MDGA2: variants seen among roughly 807,000 people sequenced by gnomAD.
The protein encoded by MDGA2 is MAM domain-containing glycosylphosphatidylinositol anchor protein 2.
A neutral mutation model predicts 117.8 loss-of-function variants in MDGA2; 40 were observed. That is an observed-to-expected ratio of 0.34 (90% CI 0.26 to 0.44). The LOEUF is 0.44. Among genes scored for constraint, MDGA2 ranks in the 20% least tolerant of loss-of-function variants. MDGA2 has a pLI of 1.00. For missense variants in MDGA2, 1,123 were observed against 1,250.6 expected, an observed-to-expected ratio of 0.90 and a Z score of 1.54; for synonymous variants, 452 against 439.0, an observed-to-expected ratio of 1.03 and a Z score of -0.37.
intron 1 of MDGA2, among the ~76,000 whole-genome samples, chr14:47,596,418 G>C (rs1369701560): frequency 6.6e-6 from 1 of 152,104 alleles, no homozygotes; most frequent in Non-Finnish European, 1.5e-5. Context: ...GTCCATTTTA[G>C]AGGCTTATTT....
At chr14:47,664,676 C>T (rs929461796) in intron 1 of MDGA2, among the ~76,000 whole-genome samples, 11 of 152,226 alleles carry the variant, frequency 7.2e-5, no homozygotes, top group African/African-American at 2.7e-4. Context: ...ATAATGAAAG[C>T]ACATACCTCT....
At chr14:47,421,498 C>CAG (rs33925912) in intron 1 of MDGA2, among the ~76,000 whole-genome samples, 96,238 of 151,734 alleles carry the variant, frequency 0.63, 30,617 homozygotes, top group South Asian at 0.73. Flanking sequence ...AAAAGCAAAA[C>CAG]AAACAAAAAC....
chr14:46,948,965 G>A (rs1308267941), intron 9 of MDGA2, among the ~76,000 whole-genome samples: 1 of 151,986 alleles, frequency 6.6e-6, no homozygotes, highest in Non-Finnish European at 1.5e-5. Context: ...TCAATGTTGT[G>A]TTACTCAGGC....
At chr14:47,038,543 A>G (rs1888941434) in intron 7 of MDGA2, among the ~76,000 whole-genome samples, 1 of 152,166 alleles carries the variant, frequency 6.6e-6, no homozygotes, top group Non-Finnish European at 1.5e-5. Context: ...ACAGAAATAT[A>G]AACCTCAATT....
chr14:47,110,102 T>G (rs2139050714), intron 5 of MDGA2, among the ~76,000 whole-genome samples: 1 of 152,198 alleles, frequency 6.6e-6, no homozygotes, highest in Admixed American at 6.5e-5. Flanking sequence ...AACTTACCTA[T>G]GTTTTATATT....
intron 1 of MDGA2, among the ~76,000 whole-genome samples, chr14:47,458,858 G>C (rs1200634715): frequency 6.6e-6 from 1 of 151,412 alleles, no homozygotes; most frequent in Non-Finnish European, 1.5e-5. Flanking sequence ...CTCTGGGACT[G>C]AAAGAATATA....
chr14:47,391,318 A>T (rs1432526077), intron 1 of MDGA2, among the ~76,000 whole-genome samples: 1 of 152,160 alleles, frequency 6.6e-6, no homozygotes, highest in Non-Finnish European at 1.5e-5. Flanking sequence ...TGCTCATGTG[A>T]CAGCGATTTC....
intron 2 of MDGA2, among the ~76,000 whole-genome samples, chr14:47,257,808 G>C (rs1887672233): frequency 6.6e-6 from 1 of 152,136 alleles, no homozygotes; most frequent in Non-Finnish European, 1.5e-5. Context: ...GTTCTTTCCA[G>C]AGTGTTTTGT....
intron 2 of MDGA2, among the ~76,000 whole-genome samples, chr14:47,285,126 C>T (rs17671065): frequency 0.091 from 13,834 of 151,954 alleles, 782 homozygotes; most frequent in Non-Finnish European, 0.11. Context: ...GTATGACTTA[C>T]GGATCACCCA....
At chr14:46,984,985 T>C (rs1402646551) in intron 8 of MDGA2, among the ~76,000 whole-genome samples, 2 of 152,020 alleles carry the variant, frequency 1.3e-5, no homozygotes, top group East Asian at 1.9e-4. Flanking sequence ...TATCAGTACA[T>C]TTTTTTCATA....
At chr14:47,562,446 T>C (rs1895834742) in intron 1 of MDGA2, among the ~76,000 whole-genome samples, 1 of 152,208 alleles carries the variant, frequency 6.6e-6, no homozygotes. Flanking sequence ...AGGGATTCTA[T>C]TTCTTCCTGG....
At chr14:47,086,933 A>G (rs145658999) in intron 6 of MDGA2, among the ~76,000 whole-genome samples, 14 of 152,306 alleles carry the variant, frequency 9.2e-5, no homozygotes, top group African/African-American at 2.9e-4. Flanking sequence ...ATCTTTGTGC[A>G]TAAGTGTATG....
chr14:47,204,801 GTTC>G (rs896153843), intron 3 of MDGA2, among the ~76,000 whole-genome samples: 16 of 152,006 alleles, frequency 1.1e-4, no homozygotes, highest in African/African-American at 2.2e-4. Flanking sequence ...CTAATGTTGA[GTTC>G]TTCTACTACC....
intron 1 of MDGA2, among the ~76,000 whole-genome samples, chr14:47,389,615 CACA>C (rs555962892): frequency 1.7e-5 from 2 of 117,566 alleles, no homozygotes; most frequent in East Asian, 6.0e-4. Flanking sequence ...CCCACACACA[CACA>C]CACACACACA....
intron 3 of MDGA2, among the ~76,000 whole-genome samples, chr14:47,186,363 G>C (rs899417138): frequency 4.6e-5 from 7 of 151,388 alleles, no homozygotes; most frequent in Non-Finnish European, 7.4e-5. Context: ...GCCAAAATAA[G>C]ACAAACTTGA....
chr14:47,529,438 A>C (rs1895047173), intron 1 of MDGA2, among the ~76,000 whole-genome samples: 1 of 152,204 alleles, frequency 6.6e-6, no homozygotes, highest in Non-Finnish European at 1.5e-5. Flanking sequence ...ATCACATCAG[A>C]GTAAATGAAG....
Position 47,335,747 on chromosome 14 carries a change from T to TATATATATATATATATATATATACACAC in MDGA2, c.281-34198_281-34197insGTGTGTATATATATATATATATATATAT, listed in dbSNP as rs1055245438. ...CACACATATATTTTATATATATATA[T>TATATATATATATATATATATATACACAC]ACATACATACATACAGGATCACTCT... On this transcript the variant is annotated intron_variant, in intron 1 of 16. Coordinates refer to ENST00000399232, the MANE Select transcript of MDGA2 (RefSeq NM_001113498.3). Among the ~76,000 whole-genome samples, 4 of 68,662 alleles carry TATATATATATATATATATATATACACAC rather than the reference T, an allele frequency of 5.8e-5. No individual in the cohort carries two copies. The East Asian group carries it at 1.3e-3, about 22-fold the overall frequency. 45.0% of individuals were successfully genotyped at this position (68,662 alleles called of 152,430 possible).
At chr14:47,384,025 T>TAGATAGATAATAGA (rs60630027) in intron 1 of MDGA2, among the ~76,000 whole-genome samples, 5,802 of 143,556 alleles carry the variant, frequency 0.04, 149 homozygotes, top group Admixed American at 0.061. Context: ...AATAGATAGA[T>TAGATAGATAATAGA]TAGATAAAGA....
chr14:47,498,254 C>G (rs539177061), intron 1 of MDGA2, among the ~76,000 whole-genome samples: 1 of 152,138 alleles, frequency 6.6e-6, no homozygotes, highest in Non-Finnish European at 1.5e-5. Flanking sequence ...CCTCATGTAC[C>G]TTTCTTTGCT....
Sources: gnomAD v4.1 joint callset for allele counts (sites outside exome capture counted in the v4.1 genomes callset) on GRCh38, gnomAD v4.1.1 for gene constraint, MANE v1.5 for transcripts, NCBI Gene and HGNC (gene_info 2026-07-23, HGNC 2026-07-21) for gene names.